RAD51B: variants seen among roughly 807,000 people sequenced by gnomAD.
RAD51B encodes RAD51 paralog B.
A neutral mutation model predicts 42.2 loss-of-function variants in RAD51B; 38 were observed. That is an observed-to-expected ratio of 0.90 (90% CI 0.70 to 1.18). RAD51B has a LOEUF of 1.18. Ranked by LOEUF, RAD51B falls within the 50% of genes most tolerant of loss-of-function variation. The probability of loss-of-function intolerance (pLI) is 0.00; values close to 1 mark genes in which losing one functional copy is unlikely to be tolerated. For missense variants in RAD51B, 373 were observed against 400.7 expected (o/e 0.93, Z 0.59); for synonymous variants, 154 against 145.2 (o/e 1.06, Z -0.43).
chr14:67,960,062 G>A (rs1033113237), intron 7 of RAD51B, among the ~76,000 whole-genome samples: 1 of 150,406 alleles, frequency 6.6e-6, no homozygotes, highest in Non-Finnish European at 1.5e-5. Flanking sequence ...TACAGCCTGG[G>A]CAACAGAGCA....
intron 11 of RAD51B, among the ~76,000 whole-genome samples, chr14:68,656,471 A>T (rs1398311946): frequency 6.6e-6 from 1 of 152,164 alleles, no homozygotes; most frequent in Non-Finnish European, 1.5e-5. Flanking sequence ...AGCCTGTATC[A>T]GAACAGGGAG....
chr14:68,469,194 G>A (rs2086061308), intron 10 of RAD51B: 1 of 441,842 alleles, frequency 2.3e-6, no homozygotes, highest in Non-Finnish European at 4.8e-6. Flanking sequence ...TGCCCTGAAG[G>A]ATTTATAAGT....
At chr14:67,879,008 C>T (rs1180980517) in intron 5 of RAD51B, among the ~76,000 whole-genome samples, 1 of 152,228 alleles carries the variant, frequency 6.6e-6, no homozygotes, top group Admixed American at 6.5e-5. Context: ...GCCACTGTGC[C>T]TGGCCATTAC....
intron 3 of RAD51B, among the ~76,000 whole-genome samples, chr14:67,831,355 A>G (rs2041038501): frequency 6.6e-6 from 1 of 152,206 alleles, no homozygotes; most frequent in Admixed American, 6.5e-5. Flanking sequence ...CAGTAAGACG[A>G]TAAGTGTACT....
At chr14:68,201,834 A>C (rs2079491831) in intron 7 of RAD51B, among the ~76,000 whole-genome samples, 2 of 152,230 alleles carry the variant, frequency 1.3e-5, no homozygotes, top group Admixed American at 6.5e-5. Context: ...TATTGATAAA[A>C]AGGCATTTAA....
chr14:68,161,471 C>T (rs887367093), intron 7 of RAD51B, among the ~76,000 whole-genome samples: 13 of 152,108 alleles, frequency 8.5e-5, no homozygotes, highest in Non-Finnish European at 1.8e-4. Context: ...TAAGGCCTGG[C>T]GAATGCAATT....
At chr14:68,422,872 C>G (rs2084743872) in intron 9 of RAD51B, among the ~76,000 whole-genome samples, 1 of 152,104 alleles carries the variant, frequency 6.6e-6, no homozygotes, top group Non-Finnish European at 1.5e-5. Flanking sequence ...CTTGTTGTCC[C>G]CTCCCTGCCC....
chr14:68,208,605 A>C (rs866670311), intron 7 of RAD51B, among the ~76,000 whole-genome samples: 6 of 152,332 alleles, frequency 3.9e-5, no homozygotes, highest in African/African-American at 1.2e-4. Context: ...AAATGTTAGA[A>C]GCTAGAGAGG....
chr14:68,380,774 A>G (rs570893256), intron 8 of RAD51B, among the ~76,000 whole-genome samples: 1 of 152,336 alleles, frequency 6.6e-6, no homozygotes, highest in Admixed American at 6.5e-5. Flanking sequence ...TTTTAACATT[A>G]GCTTAGAACA....
chr14:68,171,465 A>G (rs989576728), intron 7 of RAD51B, among the ~76,000 whole-genome samples: 1 of 151,572 alleles, frequency 6.6e-6, no homozygotes, highest in Non-Finnish European at 1.5e-5. Flanking sequence ...ACACCCAGCT[A>G]ATTTTTTGTA....
At chr14:68,086,347 T>C (rs1290674668) in intron 7 of RAD51B, among the ~76,000 whole-genome samples, 3 of 152,088 alleles carry the variant, frequency 2.0e-5, no homozygotes, top group African/African-American at 4.8e-5. Context: ...CCTCTCAACG[T>C]CCAGCCACCA....
intron 8 of RAD51B, among the ~76,000 whole-genome samples, chr14:68,386,098 C>T (rs1237610180): frequency 6.6e-6 from 1 of 152,174 alleles, no homozygotes; most frequent in South Asian, 2.1e-4. Flanking sequence ...ATCTCATCAA[C>T]ATTTAGGGCA....
intron 7 of RAD51B, among the ~76,000 whole-genome samples, chr14:67,987,280 T>G (rs2075210977): frequency 6.6e-6 from 1 of 152,212 alleles, no homozygotes; most frequent in Admixed American, 6.5e-5. Flanking sequence ...TAGGTCTTAT[T>G]CATTTCTAAT....
intron 10 of RAD51B, among the ~76,000 whole-genome samples, chr14:68,602,514 ATAGC>A (rs202147813): frequency 9.2e-6 from 1 of 108,734 alleles, no homozygotes; most frequent in Admixed American, 9.3e-5. Flanking sequence ...AGCTAGATAG[ATAGC>A]TAGCTAGATA....
intron 7 of RAD51B, among the ~76,000 whole-genome samples, chr14:68,111,827 T>A (rs949656148): frequency 1.3e-5 from 2 of 152,070 alleles, no homozygotes; most frequent in Non-Finnish European, 2.9e-5. Flanking sequence ...TCACCTGCGG[T>A]GATAAGTATT....
At chr14:68,173,314 G>T (rs2078907247) in intron 7 of RAD51B, among the ~76,000 whole-genome samples, 1 of 152,202 alleles carries the variant, frequency 6.6e-6, no homozygotes, top group African/African-American at 2.4e-5. Context: ...CAGACTTCAA[G>T]ATAGAAAAAT....
chr14:68,278,555 T>C (rs1440176756), intron 7 of RAD51B, among the ~76,000 whole-genome samples: 1 of 152,212 alleles, frequency 6.6e-6, no homozygotes, highest in Non-Finnish European at 1.5e-5. Context: ...CCTGATCAAA[T>C]TGCATTTGTT....
chr14:68,010,426 G>C (rs2075665221), intron 7 of RAD51B, among the ~76,000 whole-genome samples: 1 of 151,824 alleles, frequency 6.6e-6, no homozygotes, highest in Non-Finnish European at 1.5e-5. Context: ...GCTCATCAGA[G>C]AGAGCTTCAT....
At chr14:68,045,096 T>TGTG (rs2076278201) in intron 7 of RAD51B, among the ~76,000 whole-genome samples, 1 of 150,704 alleles carries the variant, frequency 6.6e-6, no homozygotes, top group Non-Finnish European at 1.5e-5. Context: ...ATTAGCCAGG[T>TGTG]GTGGTGGTGC....
Sources: gnomAD v4.1 joint callset for allele counts (sites outside exome capture counted in the v4.1 genomes callset) on GRCh38, gnomAD v4.1.1 for gene constraint, MANE v1.5 for transcripts, NCBI Gene and HGNC (gene_info 2026-07-23, HGNC 2026-07-21) for gene names.